The following DNAJB6 variants were observed in gnomAD, a reference collection of about 807,000 sequenced individuals.
The protein encoded by DNAJB6 is dnaJ homolog subfamily B member 6.
DNAJB6 carries 16 observed loss-of-function variants against 42.7 expected under a neutral mutation model. The ratio of observed to expected loss-of-function variants is 0.37; its 90% CI spans 0.25 to 0.57. The LOEUF (loss-of-function observed/expected upper bound fraction) is 0.57. Ranked by LOEUF, DNAJB6 falls within the 20% of genes least tolerant of loss-of-function variation. The pLI is 0.74. For missense variants in DNAJB6, 347 were observed against 416.8 expected (o/e 0.83, Z 1.46); for synonymous variants, 170 against 163.5 (o/e 1.04, Z -0.30).
intron 8 of DNAJB6, among the ~76,000 whole-genome samples, chr7:157,407,587 C>T (rs555693387): frequency 6.6e-5 from 10 of 152,122 alleles, no homozygotes; most frequent in Non-Finnish European, 1.3e-4. Flanking sequence ...CTCTCTCCCT[C>T]CAAGGTGGGA....
chr7:157,363,372 C>T, intron 3 of DNAJB6, 102 bp downstream of exon 3: 1 of 693,012 alleles, frequency 1.4e-6, no homozygotes, highest in East Asian at 2.8e-5. Context: ...ACTCAAGTGA[C>T]TTGTTTTTGA....
At position 157,349,932 on chromosome 7, in the gene DNAJB6, C is replaced by T. The variant is rs4454177; in HGVS notation, c.-26-8615C>T. ...TGGTGGGATTTCAGACATGAGCCACCGCGCCTGGCCAACGCCCGGCTAATT... is the reference window on the plus strand; with the variant it reads ...TGGTGGGATTTCAGACATGAGCCACTGCGCCTGGCCAACGCCCGGCTAATT... On this transcript the variant is annotated intron_variant, in intron 1 of 9. Transcript: ENST00000262177. Among the ~76,000 whole-genome samples, 506 of 152,210 alleles carry T rather than the reference C, an allele frequency of 3.3e-3. 1 individual carries two copies. Among genetic ancestry groups the T allele is most frequent in the African/African-American group, 0.011 (468 of 41,530 alleles).
At position 157,348,721 on chromosome 7, in the gene DNAJB6, G is replaced by T. The variant is rs899144529; in HGVS notation, c.-26-9826G>T. Among the ~76,000 whole-genome samples the T allele has an allele frequency of 5.3e-5, 8 of 152,150 alleles. 1 individual carries two copies. Among genetic ancestry groups the T allele is most frequent in the African/African-American group, 1.9e-4 (8 of 41,432 alleles). ...TAACTCTTCTACTTACAGTGGAAGA[G>T]TCCTAATTCCTTAGTTGTAAAATTC... On this transcript the variant is annotated intron_variant, in intron 1 of 9. Transcript: ENST00000262177.
At chr7:157,367,291 G>C (rs1011973915) in intron 4 of DNAJB6, 82 bp from the exon 5 acceptor site, 1 of 935,744 alleles carries the variant, frequency 1.1e-6, no homozygotes, top group African/African-American at 1.6e-5. Context: ...TTCATGATTT[G>C]TATAATGTTT....
chr7:157,365,604 A>C (rs1217394133), intron 3 of DNAJB6, among the ~76,000 whole-genome samples: 1 of 152,186 alleles, frequency 6.6e-6, no homozygotes, highest in Non-Finnish European at 1.5e-5. Flanking sequence ...TGTGATTTTA[A>C]TGTAGCATGT....
At chr7:157,384,686 G>C (rs1800963776) in intron 6 of DNAJB6, among the ~76,000 whole-genome samples, 181 bp from the exon 7 acceptor site, 1 of 152,234 alleles carries the variant, frequency 6.6e-6, no homozygotes, top group Admixed American at 6.5e-5. Context: ...GGATCTGAGA[G>C]ACAGTCTTTC....
intron 8 of DNAJB6, among the ~76,000 whole-genome samples, chr7:157,396,635 T>C (rs537475824): frequency 1.3e-5 from 2 of 152,276 alleles, no homozygotes; most frequent in African/African-American, 4.8e-5. Flanking sequence ...GTCCACTCTC[T>C]CTGCTGCCCT....
intron 8 of DNAJB6, among the ~76,000 whole-genome samples, chr7:157,388,986 A>C: frequency 6.6e-6 from 1 of 152,254 alleles, no homozygotes. Context: ...TAGTGGCATC[A>C]TGGGCGACTT....
At chr7:157,363,297 C>T (rs200408227) in intron 3 of DNAJB6, 27 bp downstream of exon 3, 316 of 1,522,628 alleles carry the variant, frequency 2.1e-4, no homozygotes, top group Non-Finnish European at 2.6e-4. Context: ...TGCTGAAGGA[C>T]CCTGAGCGGG....
intron 9 of DNAJB6, chr7:157,415,036 C>T (rs966355544): frequency 6.6e-6 from 1 of 152,314 alleles, no homozygotes; most frequent in Non-Finnish European, 1.5e-5. Context: ...AGGCACCTTC[C>T]TGTGAGGCAC....
intron 8 of DNAJB6, among the ~76,000 whole-genome samples, chr7:157,401,837 C>G (rs1795531400): frequency 6.6e-6 from 1 of 152,202 alleles, no homozygotes; most frequent in Non-Finnish European, 1.5e-5. Context: ...GCCGCCGTCT[C>G]CACGCGCCCT....
intron 6 of DNAJB6, among the ~76,000 whole-genome samples, chr7:157,383,555 A>T (rs1300574712): frequency 6.6e-6 from 1 of 152,088 alleles, no homozygotes; most frequent in Non-Finnish European, 1.5e-5. Flanking sequence ...AAGCTAGTTA[A>T]AAATACCACG....
intron 1 of DNAJB6, among the ~76,000 whole-genome samples, chr7:157,351,003 C>T (rs545644456): frequency 7.3e-5 from 11 of 149,692 alleles, no homozygotes; most frequent in African/African-American, 2.5e-4. Flanking sequence ...GGTGCAATCG[C>T]GGCTCACTGC....
intron 8 of DNAJB6, among the ~76,000 whole-genome samples, chr7:157,395,514 C>G (rs1345907995): frequency 6.6e-6 from 1 of 152,076 alleles, no homozygotes; most frequent in East Asian, 1.9e-4. Flanking sequence ...TGGTGTATGC[C>G]TTCTTATGGA....
chr7:157,364,389 G>C (rs775336604), intron 3 of DNAJB6, among the ~76,000 whole-genome samples: 3 of 152,092 alleles, frequency 2.0e-5, no homozygotes, highest in Non-Finnish European at 2.9e-5. Context: ...ACCGATATTT[G>C]AAGTCTTCTT....
intron 9 of DNAJB6, chr7:157,415,553 C>T (rs1159728118): frequency 5.5e-6 from 1 of 181,692 alleles, no homozygotes; most frequent in Non-Finnish European, 1.2e-5. Context: ...TGCGCAGGCC[C>T]AGTGTGCGTT....
At chr7:157,353,161 C>T (rs1444154075) in intron 1 of DNAJB6, among the ~76,000 whole-genome samples, 1 of 151,750 alleles carries the variant, frequency 6.6e-6, no homozygotes, top group Admixed American at 6.6e-5. Flanking sequence ...CTGCTGGGCT[C>T]ATGCAGTTTG....
intron 1 of DNAJB6, among the ~76,000 whole-genome samples, chr7:157,344,063 G>A (rs1038193464): frequency 1.3e-5 from 2 of 152,074 alleles, no homozygotes; most frequent in African/African-American, 2.4e-5. Context: ...ATTATGGGCC[G>A]GGTGTGGTGG....
At chr7:157,361,162 T>G (rs759144006) in intron 2 of DNAJB6, among the ~76,000 whole-genome samples, 3 of 60,310 alleles carry the variant, frequency 5.0e-5, no homozygotes, top group Admixed American at 4.5e-4. Context: ...CTGCTACACG[T>G]TTTTTTTTTT....
Sources: allele counts gnomAD v4.1 joint callset (sites outside exome capture counted in the v4.1 genomes callset), GRCh38; gene constraint gnomAD v4.1.1; transcripts MANE v1.5; gene names NCBI Gene and HGNC (gene_info 2026-07-23, HGNC 2026-07-21).